PUM1: variants seen among roughly 807,000 people sequenced by gnomAD.
The protein encoded by PUM1 is pumilio homolog 1.
In PUM1, 13 loss-of-function variants were observed where a neutral mutation model predicts 131.8. The ratio of observed to expected loss-of-function variants is 0.10; its 90% CI spans 0.06 to 0.16. The LOEUF is 0.16. PUM1 is among the 10% of genes least tolerant of loss of function. The pLI, the probability that PUM1 is intolerant of heterozygous loss-of-function variation, is 1.00. For missense variants in PUM1, 961 were observed against 1,512.4 expected, an observed-to-expected ratio of 0.64 and a Z score of 6.05; for synonymous variants, 509 against 556.5, an observed-to-expected ratio of 0.91 and a Z score of 1.20.
intron 2 of PUM1, among the ~76,000 whole-genome samples, chr1:31,034,976 T>A (rs1382875544): frequency 6.6e-6 from 1 of 152,110 alleles, no homozygotes; most frequent in Non-Finnish European, 1.5e-5. Context: ...AATATAAGAA[T>A]TAATCTAATT....
chr1:30,968,555 G>T, intron 10 of PUM1, 63 bp from the exon 11 acceptor site: 1 of 1,524,824 alleles, frequency 6.6e-7, no homozygotes, highest in Non-Finnish European at 8.8e-7. Context: ...CCTACCCTAT[G>T]CTCAGGTTGG....
intron 21 of PUM1, among the ~76,000 whole-genome samples, chr1:30,933,959 T>C (rs1005364665): frequency 2.6e-5 from 4 of 152,212 alleles, no homozygotes; most frequent in East Asian, 1.9e-4. Context: ...TCAGCCAAGG[T>C]TGAATGGCTA....
At chr1:31,030,937 C>G (rs1643407256) in intron 2 of PUM1, among the ~76,000 whole-genome samples, 2 of 152,068 alleles carry the variant, frequency 1.3e-5, no homozygotes, top group South Asian at 4.1e-4. Context: ...TTATAAAACT[C>G]AAAGTAAGAG....
chr1:31,064,359 G>A (rs1170008723), intron 1 of PUM1, among the ~76,000 whole-genome samples: 2 of 152,100 alleles, frequency 1.3e-5, no homozygotes, highest in African/African-American at 4.8e-5. Context: ...AGAATCCGGA[G>A]AGCGTTTCCC....
intron 11 of PUM1, among the ~76,000 whole-genome samples, chr1:30,967,976 T>C (rs1640693620): frequency 6.6e-6 from 1 of 152,168 alleles, no homozygotes; most frequent in African/African-American, 2.4e-5. Flanking sequence ...GATGACCCTA[T>C]CAAGGTATAC....
chr1:30,966,353 T>TC, intron 12 of PUM1, 75 bp from the exon 13 acceptor site: 1 of 1,442,318 alleles, frequency 6.9e-7, no homozygotes, highest in South Asian at 1.4e-5. Flanking sequence ...TTATCTTTTT[T>TC]CAAAAAATCT....
intron 2 of PUM1, among the ~76,000 whole-genome samples, chr1:31,031,315 G>A (rs10798819): frequency 0.25 from 37,890 of 151,998 alleles, 5,725 homozygotes; most frequent in East Asian, 0.53. Context: ...TACAAATACA[G>A]TTTCAACCAG....
chr1:31,058,633 G>T (rs1644301974), intron 2 of PUM1, among the ~76,000 whole-genome samples: 1 of 142,846 alleles, frequency 7.0e-6, no homozygotes, highest in Non-Finnish European at 1.5e-5. Flanking sequence ...GTGCACTCCA[G>T]CCTGGGCAAA....
chr1:31,033,852 T>A (rs1267734023), intron 2 of PUM1, among the ~76,000 whole-genome samples: 1 of 152,058 alleles, frequency 6.6e-6, no homozygotes, highest in Non-Finnish European at 1.5e-5. Context: ...CACTATGTCA[T>A]CTAGGCTGGT....
rs576410025 is a variant in PUM1 at position 31,058,983 on chromosome 1, A to G, written c.363+221T>C. Among the ~76,000 whole-genome samples the G allele has an allele frequency of 1.2e-3, 189 of 152,230 alleles. 4 individuals carry two copies. The South Asian group carries it at 0.036, about 29-fold the overall frequency. On this transcript the variant is annotated intron_variant, in intron 2 of 21. Coordinates refer to ENST00000426105, the MANE Select transcript of PUM1 (RefSeq NM_001020658.2). ...GTGACAGAGCAAGACTCTGTCTCAA[A>G]TGAATGAATGAATGAATGAATTGGC... is the stretch of plus-strand genomic sequence containing the variant.
chr1:31,010,391 G>A (rs150134340), intron 3 of PUM1, among the ~76,000 whole-genome samples: 10 of 152,236 alleles, frequency 6.6e-5, no homozygotes, highest in African/African-American at 2.4e-4. Flanking sequence ...ACAAGTCATG[G>A]GATGTTCCTT....
intron 6 of PUM1, among the ~76,000 whole-genome samples, chr1:30,993,365 G>A (rs1010329244): frequency 9.3e-5 from 14 of 150,618 alleles, no homozygotes; most frequent in African/African-American, 3.2e-4. Context: ...AAAAAACAGG[G>A]CACTATTGAT....
chr1:30,982,473 A>G (rs1366210608), intron 7 of PUM1, among the ~76,000 whole-genome samples: 2 of 152,242 alleles, frequency 1.3e-5, no homozygotes, highest in African/African-American at 2.4e-5. Context: ...GAAGACTTCA[A>G]TGTTTGCTAA....
intron 21 of PUM1, 86 bp from the exon 22 acceptor site, chr1:30,933,428 TCACACACACATACACACACACA>T (rs1488577703): frequency 2.1e-5 from 20 of 950,640 alleles, no homozygotes; most frequent in Admixed American, 8.2e-5. Flanking sequence ...ATGTCATGCA[TCACACACACATACACACACACA>T]CACACACACA....
intron 2 of PUM1, among the ~76,000 whole-genome samples, chr1:31,047,642 CAAGT>C (rs1644000265): frequency 6.6e-6 from 1 of 152,164 alleles, no homozygotes; most frequent in South Asian, 2.1e-4. Context: ...TCATGAAAAA[CAAGT>C]AATAACATCC....
At chr1:30,998,208 T>C (rs1207833674) in intron 5 of PUM1, among the ~76,000 whole-genome samples, 2 of 152,148 alleles carry the variant, frequency 1.3e-5, no homozygotes, top group Non-Finnish European at 2.9e-5. Context: ...TATTTCAATA[T>C]AAAGTTTACT....
At chr1:30,957,087 T>TACACACACACAC (rs58044891) in intron 14 of PUM1, among the ~76,000 whole-genome samples, 15,133 of 139,730 alleles carry the variant, frequency 0.11, 979 homozygotes, top group African/African-American at 0.16. Context: ...AGGACATTCA[T>TACACACACACAC]ACACACACAC....
chr1:30,997,184 T>A (rs999691093), intron 5 of PUM1, among the ~76,000 whole-genome samples: 11 of 152,142 alleles, frequency 7.2e-5, no homozygotes, highest in Non-Finnish European at 1.5e-4. Context: ...TCAGCTCCAA[T>A]TTCTCAAAAG....
At chr1:30,968,808 T>A (rs1174644422) in intron 10 of PUM1, among the ~76,000 whole-genome samples, 1 of 152,196 alleles carries the variant, frequency 6.6e-6, no homozygotes, top group Non-Finnish European at 1.5e-5. Flanking sequence ...AAAGATGAAT[T>A]TGGAATATCT....
Sources: gnomAD v4.1 joint callset for allele counts (sites outside exome capture counted in the v4.1 genomes callset) on GRCh38, gnomAD v4.1.1 for gene constraint, MANE v1.5 for transcripts, NCBI Gene and HGNC (gene_info 2026-07-23, HGNC 2026-07-21) for gene names.